The following EIF3F variants were observed in gnomAD, a reference collection of about 807,000 sequenced individuals.
EIF3F encodes the protein eukaryotic translation initiation factor 3 subunit F, also known as deubiquitinating enzyme eIF3f.
EIF3F carries 8 observed loss-of-function variants against 36.0 expected under a neutral mutation model. That is an observed-to-expected ratio of 0.22 (90% CI 0.13 to 0.40). The LOEUF (loss-of-function observed/expected upper bound fraction) is 0.40. EIF3F is among the 10% of genes least tolerant of loss of function. The probability of loss-of-function intolerance (pLI) is 1.00; values close to 1 mark genes in which losing one functional copy is unlikely to be tolerated. For synonymous variants in EIF3F, 184 were observed against 188.5 expected, an observed-to-expected ratio of 0.98 and a Z score of 0.19; for missense variants, 430 against 467.6, an observed-to-expected ratio of 0.92 and a Z score of 0.74.
At chr11:7,989,076 C>G (rs1004265847) in intron 1 of EIF3F, among the ~76,000 whole-genome samples, 9 of 152,172 alleles carry the variant, frequency 5.9e-5, no homozygotes, top group African/African-American at 2.2e-4. Flanking sequence ...TAAGCTCTAC[C>G]TACCTTCCAC....
At position 7,995,328 on chromosome 11, in the gene EIF3F, T is replaced by G; in HGVS notation, c.957T>G (p.Val319=). 1 of 1,614,154 alleles carries G rather than the reference T, an allele frequency of 6.2e-7. No homozygotes were observed. The highest frequency in any genetic ancestry group is 8.5e-7 in the Non-Finnish European group (1 of 1,180,012). ...TGGTTAACCAAGTACCGAAAATAGT[T>G]CCCGATGACTTTGAGACCATGCTCA... The part of the protein sequence containing the change: ...MSLVNQVPKI[V]PDDFETMLNS... The change falls in exon 7 of 8, where the codon GTT becomes GTG. Residue 319 remains valine (V), a synonymous_variant. Transcript: ENST00000651655.
At chr11:7,990,731 T>G (rs1942081464) in intron 1 of EIF3F, among the ~76,000 whole-genome samples, 1 of 152,130 alleles carries the variant, frequency 6.6e-6, no homozygotes. Flanking sequence ...AGATAAACAC[T>G]GGTAGATATA....
intron 1 of EIF3F, among the ~76,000 whole-genome samples, chr11:7,990,374 A>G (rs544112048): frequency 2.0e-5 from 3 of 152,336 alleles, no homozygotes; most frequent in East Asian, 1.9e-4. Context: ...CTCTATCACA[A>G]CTACTTAATT....
At position 8,001,441 on chromosome 11, in the gene EIF3F, A is replaced by C. The variant is rs1942220213; in HGVS notation, c.*5419A>C. The stretch of plus-strand genomic sequence containing the variant: ...AATGAATACATAGATAAGTACTGAA[A>C]TACTTGGTTATCATAGCGTAAAGAT... On this transcript the variant is annotated 3_prime_UTR_variant, in exon 8 of 8. Coordinates refer to ENST00000651655, the MANE Select transcript of EIF3F (RefSeq NM_003754.3). 6.6e-6 allele frequency: 1 copy of C among 152,212 alleles called. No homozygotes were observed. The highest frequency in any genetic ancestry group is 2.4e-5 in the African/African-American group (1 of 41,446). The allele number at this position is 152,212 out of a possible 1,614,324, so 9.4% of individuals were successfully genotyped here.
In EIF3F at chr11:7,987,694, C is replaced by G; in HGVS notation, c.342C>G (p.Ala114=). ...ACGAGAGACGCAACGAGGGTGCTGC[C>G]CGAGTTATCGGGACCCTGTTGGGTG... The part of the protein sequence containing the change: ...DSYERRNEGA[A]RVIGTLLGTV... Residue 114 remains alanine (A), a synonymous_variant, in exon 1 of 8, where the codon GCC becomes GCG. Transcript: ENST00000651655. 1 of 1,513,036 alleles carries G rather than the reference C, an allele frequency of 6.6e-7. No individual in the cohort carries two copies. The highest frequency in any genetic ancestry group is 1.4e-5 in the African/African-American group (1 of 70,304). 93.7% of individuals were successfully genotyped at this position (1,513,036 alleles called of 1,614,324 possible). A position where few individuals can be genotyped will look rare whatever the true frequency, so the allele number is the denominator to read the frequency against.
At chr11:7,992,846 C>T (rs1208525126) in intron 3 of EIF3F, 41 bp from the exon 4 acceptor site, 1 of 1,612,548 alleles carries the variant, frequency 6.2e-7, no homozygotes, top group African/African-American at 1.3e-5. Context: ...ATATTGACGC[C>T]ACATATAGAC....
chr11:7,987,743 C>T (rs774190125), intron 1 of EIF3F, 27 bp downstream of exon 1: 3 of 1,475,224 alleles, frequency 2.0e-6, no homozygotes, highest in African/African-American at 2.9e-5. Context: ...AGTTAACATT[C>T]TTTTCTTCCT....
chr11:7,992,546 C>G, intron 3 of EIF3F: 1 of 428,932 alleles, frequency 2.3e-6, no homozygotes, highest in Non-Finnish European at 4.3e-6. Context: ...CACTGCATTC[C>G]AGCCTGAGTG....
rs1200917751 is a variant in EIF3F at position 7,994,803 on chromosome 11, G to C, written c.746-179G>C. The C allele has an allele frequency of 3.3e-6, 3 of 910,066 alleles. No homozygotes were observed. The African/African-American group carries it at 5.0e-5, about 15-fold the overall frequency. 56.4% of individuals were successfully genotyped at this position (910,066 alleles called of 1,614,324 possible). ...AGGTAAAAGGAGTTGAGCTCTATTA[G>C]GAGGAAGAAAAGCTGATAAGGGCAC... On this transcript the variant is annotated intron_variant, in intron 5 of 7. Coordinates refer to ENST00000651655, the MANE Select transcript of EIF3F (RefSeq NM_003754.3).
rs1408869615 is a variant in EIF3F, at chr11:7,987,504, C to G, written c.152C>G (p.Ala51Gly). Residue 51 changes from alanine to glycine, a missense_variant, in exon 1 of 8, where the codon GCA (alanine) becomes GGA (glycine). Physicochemically the swap from Ala to Gly is moderately conservative, Grantham distance 60 (BLOSUM62 0). Around this residue, in one of 2 missense-constraint regions of EIF3F, gnomAD observed 168 missense variants for 120.2 expected, o/e 1.40. Transcript: ENST00000651655. The part of the protein sequence containing the change: ...AAPASSSDPA[A>G]AAAATAAPGQ... ...CCAGCCTCATCCTCAGACCCTGCGG[C>G]AGCAGCGGCTGCAACTGCGGCTCCT... The G allele has an allele frequency of 6.2e-7, 1 of 1,605,986 alleles. No homozygotes were observed. The highest frequency in any genetic ancestry group is 1.7e-5 in the Admixed American group (1 of 59,712).
rs764786881 is a variant in EIF3F at position 7,996,072 on chromosome 11, C to G, written c.*50C>G. 1.9e-6 allele frequency: 3 copies of G among 1,569,718 alleles called. No individual in the cohort carries two copies. Among genetic ancestry groups the G allele is most frequent in the Non-Finnish European group, 1.8e-6 (2 of 1,139,900 alleles). Reference sequence around the variant, plus strand: ...TGGTCTAGGTATTAACCCCAGGACTCAGAAGTGAAGGAGAAATGGGTTTTT... The same window carrying G: ...TGGTCTAGGTATTAACCCCAGGACTGAGAAGTGAAGGAGAAATGGGTTTTT... On this transcript the variant is annotated 3_prime_UTR_variant, in exon 8 of 8. Coordinates refer to ENST00000651655, the MANE Select transcript of EIF3F (RefSeq NM_003754.3).
At position 7,995,751 on chromosome 11, in the gene EIF3F, A is replaced by T. The variant is rs1468787008; in HGVS notation, c.997-194A>T. The T allele has an allele frequency of 4.6e-6, 3 of 657,444 alleles. No homozygotes were observed. The African/African-American group carries it at 5.4e-5, about 12-fold the overall frequency. The allele number at this position is 657,444 out of a possible 1,614,324, so 40.7% of individuals were successfully genotyped here. On this transcript the variant is annotated intron_variant, in intron 7 of 7. Coordinates refer to ENST00000651655, the MANE Select transcript of EIF3F (RefSeq NM_003754.3). ...GGCACCCCTAGTCTATAAGTGTATC[A>T]GTAGAGATAAGAAAGCCTTCTCAAG...
At position 7,994,762 on chromosome 11, in the gene EIF3F, C is replaced by T. The variant is rs146261230; in HGVS notation, c.746-220C>T. On this transcript the variant is annotated intron_variant, in intron 5 of 7. Transcript: ENST00000651655. ...CATACCATTCACATGAGATCAAAAC[C>T]GGTGATGAGCATACCAGGTAAAAGG... 36 of 722,252 alleles carry T rather than the reference C, an allele frequency of 5.0e-5. 1 individual carries two copies. The highest frequency in any genetic ancestry group is 2.1e-4 in the South Asian group (11 of 51,628). 44.7% of individuals were successfully genotyped at this position (722,252 alleles called of 1,614,324 possible). A position where few individuals can be genotyped will look rare whatever the true frequency, so the allele number is the denominator to read the frequency against.
intron 1 of EIF3F, 59 bp downstream of exon 1, chr11:7,987,775 TC>T: frequency 7.1e-7 from 1 of 1,413,196 alleles, no homozygotes; most frequent in Non-Finnish European, 9.3e-7. Flanking sequence ...TTTATCTCAC[TC>T]CCCTAACTCA....
In EIF3F at chr11:7,998,910, T is replaced by A. The variant is rs1440441754; in HGVS notation, c.*2888T>A. 1 of 152,152 alleles carries A rather than the reference T, an allele frequency of 6.6e-6. No homozygotes were observed. Among genetic ancestry groups the A allele is most frequent in the Non-Finnish European group, 1.5e-5 (1 of 68,024 alleles). 9.4% of individuals were successfully genotyped at this position (152,152 alleles called of 1,614,324 possible). A position where few individuals can be genotyped will look rare whatever the true frequency, so the allele number is the denominator to read the frequency against. The stretch of plus-strand genomic sequence containing the variant: ...CATGACCATAGTGTGGTGTTATTAC[T>A]TAGCGTTATTCTAGACTTATTAGCC... On this transcript the variant is annotated 3_prime_UTR_variant, in exon 8 of 8. Coordinates refer to ENST00000651655, the MANE Select transcript of EIF3F (RefSeq NM_003754.3).
intron 1 of EIF3F, among the ~76,000 whole-genome samples, chr11:7,989,502 T>C (rs1049515992): frequency 2.6e-5 from 4 of 152,222 alleles, no homozygotes; most frequent in Non-Finnish European, 5.9e-5. Flanking sequence ...TCCTTAGATA[T>C]ACACAAAACA....
At position 7,999,721 on chromosome 11, in the gene EIF3F, T is replaced by C. The variant is rs1486549522; in HGVS notation, c.*3699T>C. 1.3e-5 allele frequency: 2 copies of C among 152,218 alleles called. No individual in the cohort carries two copies. The highest frequency in any genetic ancestry group is 2.9e-5 in the Non-Finnish European group (2 of 68,034). 9.4% of individuals were successfully genotyped at this position (152,218 alleles called of 1,614,324 possible). A position where few individuals can be genotyped will look rare whatever the true frequency, so the allele number is the denominator to read the frequency against. ...GGAACCCTTTTACACTTGGTGTGAA[T>C]GTAAATTAGTACAGACATTGTGGAA... On this transcript the variant is annotated 3_prime_UTR_variant, in exon 8 of 8. Transcript: ENST00000651655.
Position 7,997,087 on chromosome 11 carries a change from C to T in EIF3F, c.*1065C>T, listed in dbSNP as rs1173332635. The T allele has an allele frequency of 6.6e-6, 1 of 152,178 alleles. No individual in the cohort carries two copies. The highest frequency in any genetic ancestry group is 2.4e-5 in the African/African-American group (1 of 41,450). The allele number at this position is 152,178 out of a possible 1,614,324, so 9.4% of individuals were successfully genotyped here. On this transcript the variant is annotated 3_prime_UTR_variant, in exon 8 of 8. Coordinates refer to ENST00000651655, the MANE Select transcript of EIF3F (RefSeq NM_003754.3). ...TGAAAGTAATAAGCAACATGAACCC[C>T]AGCCTGGAACTCAGTTCTGAGATAT...
chr11:7,989,144 A>T (rs1471156693), intron 1 of EIF3F, among the ~76,000 whole-genome samples: 1 of 152,186 alleles, frequency 6.6e-6, no homozygotes, highest in Admixed American at 6.5e-5. Flanking sequence ...CCCTCACTCC[A>T]TTCTTAACCT....
Sources: gnomAD v4.1 joint callset for allele counts (sites outside exome capture counted in the v4.1 genomes callset) on GRCh38, gnomAD v4.1.1 for gene constraint, gnomAD v4.1.1 regional missense constraint, MANE v1.5 for transcripts, NCBI Gene and HGNC (gene_info 2026-07-23, HGNC 2026-07-21) for gene names.